The following LAMA2 variants were observed in gnomAD, a reference collection of about 807,000 sequenced individuals.
The protein encoded by LAMA2 is laminin subunit alpha-2.
A neutral mutation model predicts 364.8 loss-of-function variants in LAMA2; 269 were observed. The observed-to-expected ratio is 0.74, with a 90% confidence interval of 0.67 to 0.82. The LOEUF is 0.82. Ranked by LOEUF, LAMA2 falls within the 40% of genes least tolerant of loss-of-function variation. LAMA2 has a pLI of 0.00. For synonymous variants in LAMA2, 1,379 were observed against 1,370.6 expected (o/e 1.01, Z -0.14); for missense variants, 3,807 against 3,873.2 (o/e 0.98, Z 0.45).
intron 6 of LAMA2, among the ~76,000 whole-genome samples, chr6:129,147,408 A>G (rs959260398): frequency 2.6e-5 from 4 of 151,900 alleles, no homozygotes; most frequent in African/African-American, 9.7e-5. Context: ...CTAATCAAAA[A>G]ATTAATGCAA....
At position 128,884,892 on chromosome 6, in the gene LAMA2, A is replaced by G. The variant is rs187734170; in HGVS notation, c.112+1535A>G. On this transcript the variant is annotated intron_variant, in intron 1 of 64. Coordinates refer to ENST00000421865, the MANE Select transcript of LAMA2 (RefSeq NM_000426.4). ...TTGGAATGGGGCAGAAACTCAAAGC[A>G]TGCAGAGTAAGGATCAAGTAAATTG... Among the ~76,000 whole-genome samples the G allele has an allele frequency of 9.2e-5, 14 of 152,330 alleles. No individual in the cohort carries two copies. In the East Asian group the frequency reaches 1.2e-3, roughly 13 times the overall value.
At chr6:129,272,308 G>A (rs1419444675) in intron 17 of LAMA2, among the ~76,000 whole-genome samples, 1 of 152,136 alleles carries the variant, frequency 6.6e-6, no homozygotes, top group African/African-American at 2.4e-5. Context: ...CTTTAGGCAA[G>A]TCACTGAAAC....
chr6:129,442,308 A>G (rs865861683), intron 43 of LAMA2: 1 of 940,542 alleles, frequency 1.1e-6, no homozygotes, highest in Admixed American at 3.4e-5. Context: ...CACATATAAC[A>G]TAAACTTCAG....
intron 22 of LAMA2, among the ~76,000 whole-genome samples, chr6:129,301,293 TAAC>T (rs1236392648): frequency 1.3e-5 from 2 of 152,188 alleles, no homozygotes; most frequent in East Asian, 3.9e-4. Flanking sequence ...AGAGTCATTT[TAAC>T]AACATTTAGC....
intron 12 of LAMA2, among the ~76,000 whole-genome samples, chr6:129,205,055 A>G (rs948849478): frequency 4.6e-5 from 7 of 152,052 alleles, no homozygotes; most frequent in Non-Finnish European, 7.4e-5. Flanking sequence ...GTCCTCCTAA[A>G]TTGGTAGTGT....
At position 129,304,255 on chromosome 6, in the gene LAMA2, G is replaced by A. The variant is rs187230275; in HGVS notation, c.3174+3383G>A. Among the ~76,000 whole-genome samples, 435 of 151,984 alleles carry A rather than the reference G, an allele frequency of 2.9e-3. 2 individuals carry two copies. Among genetic ancestry groups the A allele is most frequent in the Admixed American group, 6.2e-3 (94 of 15,256 alleles). ...AGTTTAATTTTCTCTTGTGTTCCAA[G>A]TTTTTTTGTTTTTTGTTTTTTGTTT... On this transcript the variant is annotated intron_variant, in intron 22 of 64. Coordinates refer to ENST00000421865, the MANE Select transcript of LAMA2 (RefSeq NM_000426.4).
intron 1 of LAMA2, among the ~76,000 whole-genome samples, chr6:128,893,343 C>T (rs1316553123): frequency 6.6e-6 from 1 of 151,652 alleles, no homozygotes; most frequent in African/African-American, 2.4e-5. Flanking sequence ...TGCTCCACCC[C>T]CTTTCTTTGT....
chr6:129,355,919 G>T (rs1429774682), intron 32 of LAMA2, among the ~76,000 whole-genome samples: 1 of 152,036 alleles, frequency 6.6e-6, no homozygotes, highest in Non-Finnish European at 1.5e-5. Context: ...TGTGATCTCA[G>T]GTAATTTGCA....
intron 1 of LAMA2, among the ~76,000 whole-genome samples, chr6:128,968,207 A>C (rs1312557223): frequency 6.6e-6 from 1 of 152,206 alleles, no homozygotes; most frequent in Non-Finnish European, 1.5e-5. Flanking sequence ...AGATGTACTC[A>C]TGCCCTAGAT....
intron 1 of LAMA2, among the ~76,000 whole-genome samples, chr6:129,036,152 G>C (rs1374042898): frequency 6.6e-6 from 1 of 151,978 alleles, no homozygotes; most frequent in East Asian, 1.9e-4. Flanking sequence ...TGTCATTTAT[G>C]ATTTCTTTCC....
At chr6:129,234,673 G>T (rs1473749585) in intron 12 of LAMA2, among the ~76,000 whole-genome samples, 4 of 152,266 alleles carry the variant, frequency 2.6e-5, no homozygotes, top group East Asian at 3.9e-4. Flanking sequence ...TTTTTGAAAT[G>T]TAAGCCATAT....
intron 1 of LAMA2, among the ~76,000 whole-genome samples, chr6:129,024,746 C>T (rs1785686970): frequency 6.6e-6 from 1 of 151,932 alleles, no homozygotes; most frequent in Admixed American, 6.6e-5. Context: ...ATCCAAATAG[C>T]TACCCAGTTT....
intron 1 of LAMA2, among the ~76,000 whole-genome samples, chr6:128,945,864 G>A (rs935074598): frequency 2.0e-5 from 3 of 152,156 alleles, no homozygotes; most frequent in African/African-American, 4.8e-5. Flanking sequence ...GATATAATTC[G>A]GATATAACTC....
At chr6:129,245,998 T>C (rs1785725330) in intron 12 of LAMA2, among the ~76,000 whole-genome samples, 1 of 152,210 alleles carries the variant, frequency 6.6e-6, no homozygotes, top group African/African-American at 2.4e-5. Context: ...TAAGCCACAG[T>C]TCTATTTCTT....
chr6:129,059,613 C>T (rs1032689635), intron 2 of LAMA2, among the ~76,000 whole-genome samples, 171 bp from the exon 3 acceptor site: 2 of 152,168 alleles, frequency 1.3e-5, no homozygotes, highest in Non-Finnish European at 1.5e-5. Flanking sequence ...AGACAGCTGT[C>T]ATTGAAGAAA....
chr6:129,128,895 A>G (rs971236889), intron 4 of LAMA2, among the ~76,000 whole-genome samples: 1 of 152,238 alleles, frequency 6.6e-6, no homozygotes, highest in Non-Finnish European at 1.5e-5. Context: ...TAAGTGAAAT[A>G]CAAAGATTTG....
chr6:129,326,131 T>G (rs1226331494), intron 28 of LAMA2, among the ~76,000 whole-genome samples: 1 of 152,186 alleles, frequency 6.6e-6, no homozygotes, highest in Admixed American at 6.5e-5. Flanking sequence ...TGAGCCACCA[T>G]GTCTCGCCTT....
chr6:129,328,543 G>A (rs539621488), intron 29 of LAMA2, 131 bp downstream of exon 29: 3 of 1,427,652 alleles, frequency 2.1e-6, no homozygotes, highest in Non-Finnish European at 2.9e-6. Context: ...AATATGTAAG[G>A]GAAAAAGATA....
At position 129,185,605 on chromosome 6, in the gene LAMA2, T is replaced by C. The variant is rs535380856; in HGVS notation, c.1468-4600T>C. ...AAGGCAAACATTCACATGGTGCATCTGTACATAAAATATATCTGGAGTATT... is the reference window on the plus strand; with the variant it reads ...AAGGCAAACATTCACATGGTGCATCCGTACATAAAATATATCTGGAGTATT... On this transcript the variant is annotated intron_variant, in intron 10 of 64. Coordinates refer to ENST00000421865, the MANE Select transcript of LAMA2 (RefSeq NM_000426.4). Among the ~76,000 whole-genome samples the C allele has an allele frequency of 3.4e-3, 514 of 151,896 alleles. 2 individuals are homozygous for C. Among genetic ancestry groups the C allele is most frequent in the African/African-American group, 0.012 (504 of 41,502 alleles).
Sources: gnomAD v4.1 joint callset for allele counts (sites outside exome capture counted in the v4.1 genomes callset) on GRCh38, gnomAD v4.1.1 for gene constraint, MANE v1.5 for transcripts, NCBI Gene and HGNC (gene_info 2026-07-23, HGNC 2026-07-21) for gene names.